The following HS6ST2 variants were observed in gnomAD, a reference collection of about 807,000 sequenced individuals.
HS6ST2 encodes the protein heparan-sulfate 6-O-sulfotransferase 2.
In HS6ST2, 17 loss-of-function variants were observed where a neutral mutation model predicts 33.0. That is an observed-to-expected ratio of 0.52 (90% confidence interval 0.35 to 0.77). The LOEUF is 0.77. Among genes scored for constraint, HS6ST2 ranks in the 30% least tolerant of loss-of-function variants. HS6ST2 has a pLI of 0.01. For synonymous variants in HS6ST2, 248 were observed against 237.1 expected (o/e 1.05, Z -0.42); for missense variants, 519 against 551.7 (o/e 0.94, Z 0.59).
intron 2 of HS6ST2, among the ~76,000 whole-genome samples, chrX:132,799,790 G>A (rs763084356): frequency 1.8e-5 from 2 of 111,494 alleles, no homozygotes; most frequent in African/African-American, 3.3e-5. Context: ...TCCAGAATGT[G>A]GGGATAATAT....
At chrX:132,902,616 G>A (rs111377683) in intron 2 of HS6ST2, among the ~76,000 whole-genome samples, 1 of 112,030 alleles carries the variant, frequency 8.9e-6, no homozygotes, top group African/African-American at 3.2e-5. Flanking sequence ...CTCATTGTAT[G>A]TAGGGTGAAA....
intron 3 of HS6ST2, among the ~76,000 whole-genome samples, chrX:132,690,352 G>A (rs1323236802): frequency 8.9e-6 from 1 of 111,968 alleles, no homozygotes; most frequent in Non-Finnish European, 1.9e-5. Flanking sequence ...CTAGGAAATG[G>A]AAAGAGTCTT....
chrX:132,932,036 A>C (rs938598240), intron 2 of HS6ST2, among the ~76,000 whole-genome samples: 1 of 109,452 alleles, frequency 9.1e-6, no homozygotes, highest in Non-Finnish European at 1.9e-5. Context: ...AATACAAAAA[A>C]TTAGCCGGGC....
At chrX:132,843,884 T>A in intron 2 of HS6ST2, among the ~76,000 whole-genome samples, 1 of 111,736 alleles carries the variant, frequency 8.9e-6, no homozygotes, top group Non-Finnish European at 1.9e-5. Flanking sequence ...ACAAATTGTG[T>A]CCTTATATTC....
At chrX:132,817,178 C>T (rs963025228) in intron 2 of HS6ST2, among the ~76,000 whole-genome samples, 2 of 111,336 alleles carry the variant, frequency 1.8e-5, no homozygotes, top group Non-Finnish European at 3.8e-5. Context: ...TCGCATCTCC[C>T]CCCACCTTCC....
chrX:132,723,402 A>G (rs774767848), intron 2 of HS6ST2, among the ~76,000 whole-genome samples: 1 of 112,050 alleles, frequency 8.9e-6, no homozygotes, highest in African/African-American at 3.2e-5. Flanking sequence ...TCGCTAATGA[A>G]TATTGATGCA....
chrX:132,849,736 A>G (rs376237322), intron 2 of HS6ST2, among the ~76,000 whole-genome samples: 2 of 111,997 alleles, frequency 1.8e-5, no homozygotes, highest in South Asian at 7.5e-4. Flanking sequence ...GCATCCATCA[A>G]ATGACCTTTG....
chrX:132,736,005 C>T (rs780912721), intron 2 of HS6ST2, among the ~76,000 whole-genome samples: 4 of 110,207 alleles, frequency 3.6e-5, no homozygotes, highest in Non-Finnish European at 5.7e-5. Context: ...CCACCAGGCC[C>T]GGCTAATTTT....
At chrX:132,816,134 T>C (rs186287381) in intron 2 of HS6ST2, among the ~76,000 whole-genome samples, 76 of 111,968 alleles carry the variant, frequency 6.8e-4, no homozygotes, top group African/African-American at 2.4e-3. Context: ...AGTCTATTAA[T>C]GGAACAATTT....
At chrX:132,862,747 G>A (rs1261654391) in intron 2 of HS6ST2, among the ~76,000 whole-genome samples, 1 of 112,133 alleles carries the variant, frequency 8.9e-6, no homozygotes, top group Non-Finnish European at 1.9e-5. Flanking sequence ...TTATTGGCCA[G>A]ACCTGTGTAG....
chrX:132,669,057 C>T, intron 4 of HS6ST2, 56 bp downstream of exon 4: 1 of 761,884 alleles, frequency 1.3e-6, no homozygotes, highest in South Asian at 2.4e-5. Flanking sequence ...AAAAGGAGGA[C>T]AGCACTTGAC....
At position 132,802,608 on chromosome X, in the gene HS6ST2, C is replaced by T. The variant is rs748004040; in HGVS notation, c.948-94114G>A. Among the ~76,000 whole-genome samples, 4 of 110,775 alleles carry T rather than the reference C, an allele frequency of 3.6e-5. No homozygotes were observed. The South Asian group carries it at 1.2e-3, about 32-fold the overall frequency. On this transcript the variant is annotated intron_variant, in intron 2 of 4. Transcript: ENST00000370833. ...GTGGCTAAACTTCTGGGGGAGCTAA[C>T]GAATATTTGAAAGGCAAGCGATAAC...
intron 2 of HS6ST2, among the ~76,000 whole-genome samples, chrX:132,807,121 T>C (rs2065291347): frequency 9.1e-6 from 1 of 110,248 alleles, no homozygotes; most frequent in Non-Finnish European, 1.9e-5. Context: ...ACCAACCTAA[T>C]AGTAGATCCA....
intron 2 of HS6ST2, among the ~76,000 whole-genome samples, chrX:132,945,375 G>T (rs1174973577): frequency 1.8e-5 from 2 of 111,767 alleles, no homozygotes; most frequent in Admixed American, 9.5e-5. Context: ...GAGAGGATGT[G>T]GAGAAACAGG....
chrX:132,750,254 T>C (rs2064689206), intron 2 of HS6ST2, among the ~76,000 whole-genome samples: 1 of 107,649 alleles, frequency 9.3e-6, no homozygotes, highest in African/African-American at 3.4e-5. Flanking sequence ...TACAACACCA[T>C]GAACCTGTTA....
chrX:132,852,550 C>A (rs2148409045), intron 2 of HS6ST2, among the ~76,000 whole-genome samples: 1 of 112,023 alleles, frequency 8.9e-6, no homozygotes, highest in South Asian at 3.7e-4. Context: ...AAATCTAAAG[C>A]TTCATCCTTG....
intron 2 of HS6ST2, among the ~76,000 whole-genome samples, chrX:132,859,100 G>A (rs143095471): frequency 0.027 from 3,025 of 112,069 alleles, 103 homozygotes; most frequent in African/African-American, 0.091. Context: ...ACACCTCCCA[G>A]TGGGATTTGT....
intron 2 of HS6ST2, among the ~76,000 whole-genome samples, chrX:132,740,471 GGT>G (rs1214842069): frequency 9.0e-6 from 1 of 111,504 alleles, no homozygotes; most frequent in Non-Finnish European, 1.9e-5. Context: ...CAATAGCGGG[GGT>G]GTGGGGGTGC....
intron 2 of HS6ST2, among the ~76,000 whole-genome samples, chrX:132,720,830 AAAG>A (rs1479853017): frequency 3.6e-5 from 4 of 111,218 alleles, no homozygotes; most frequent in African/African-American, 1.3e-4. Flanking sequence ...AAGAAGAGAA[AAAG>A]AAGGTCACTA....
Sources: gnomAD v4.1 joint callset for allele counts (sites outside exome capture counted in the v4.1 genomes callset) on GRCh38, gnomAD v4.1.1 for gene constraint, MANE v1.5 for transcripts, NCBI Gene and HGNC (gene_info 2026-07-23, HGNC 2026-07-21) for gene names.